STAT6: variants seen among roughly 807,000 people sequenced by gnomAD.
STAT6 encodes signal transducer and activator of transcription 6.
In STAT6, 45 loss-of-function variants were observed where a neutral mutation model predicts 106.3. That is an observed-to-expected ratio of 0.42 (90% CI 0.33 to 0.54). The LOEUF is 0.54. Among genes scored for constraint, STAT6 ranks in the 20% least tolerant of loss-of-function variants. The pLI is 0.06. For missense variants in STAT6, 797 were observed against 1,062.2 expected (o/e 0.75, Z 3.47); for synonymous variants, 413 against 413.6 (o/e 1.00, Z 0.02).
chr12:57,097,046 C>G lies in STAT6; in HGVS notation c.2225+22G>C, dbSNP rs1196556877. ...CCAGGAAAGAAGAGGCACATGGGGT[C>G]AGGAGGGGCTTTGTCACTCACTGGG... is the stretch of plus-strand genomic sequence containing the variant. On this transcript the variant is annotated intron_variant, in intron 20 of 21. Transcript: ENST00000300134. The G allele has an allele frequency of 1.9e-6, 3 of 1,578,210 alleles. No homozygotes were observed. The Admixed American group carries it at 5.4e-5, about 29-fold the overall frequency.
At chr12:57,100,678 A>G (rs1469220522) in intron 13 of STAT6, among the ~76,000 whole-genome samples, 1 of 66,502 alleles carries the variant, frequency 1.5e-5, no homozygotes, top group Admixed American at 1.6e-4. Context: ...GAAAGAAAGA[A>G]AGAAAGAAAG....
intron 7 of STAT6, 58 bp from the exon 8 acceptor site, chr12:57,105,657 AC>A: frequency 6.4e-7 from 1 of 1,574,790 alleles, no homozygotes; most frequent in South Asian, 1.1e-5. Context: ...TCCGGCCCAG[AC>A]CCCCTTCCCC....
At chr12:57,100,275 C>A (rs546605914) in intron 13 of STAT6, among the ~76,000 whole-genome samples, 185 bp from the exon 14 acceptor site, 3 of 152,132 alleles carry the variant, frequency 2.0e-5, no homozygotes, top group Middle Eastern at 3.2e-3. Flanking sequence ...CTATTTCAAG[C>A]CTTTCCATAT....
intron 2 of STAT6, among the ~76,000 whole-genome samples, chr12:57,107,960 C>G (rs779028676): frequency 4.6e-5 from 7 of 152,210 alleles, no homozygotes; most frequent in Non-Finnish European, 1.0e-4. Flanking sequence ...TTCGGCTCAG[C>G]CTCCTAAGAG....
At chr12:57,100,694 A>AAGAGAG (rs1228082144) in intron 13 of STAT6, among the ~76,000 whole-genome samples, 1 of 28,944 alleles carries the variant, frequency 3.5e-5, no homozygotes, top group Non-Finnish European at 7.9e-5. Flanking sequence ...GAAAGAAAGA[A>AAGAGAG]AGAAAGAGAA....
At chr12:57,104,880 TGA>T (rs763019389) in intron 9 of STAT6, 67 bp from the exon 10 acceptor site, 13 of 1,560,322 alleles carry the variant, frequency 8.3e-6, no homozygotes, top group Non-Finnish European at 1.1e-5. Flanking sequence ...AGTGCATGGG[TGA>T]GTGTAGACTA....
In STAT6 at chr12:57,102,181, G is replaced by A. The variant is rs12721587; in HGVS notation, c.1512+109C>T. 1.3e-3 allele frequency: 1,549 copies of A among 1,208,126 alleles called. 16 individuals are homozygous for A. The African/African-American group carries it at 0.021, about 16-fold the overall frequency. 74.8% of individuals were successfully genotyped at this position (1,208,126 alleles called of 1,614,324 possible). A position where few individuals can be genotyped will look rare whatever the true frequency, so the allele number is the denominator to read the frequency against. ...AGGCCTTCCTAAAGGACCTGAGGGG[G>A]CACTGTGGAGAATCCAGTGGAAGGT... On this transcript the variant is annotated intron_variant, in intron 13 of 21. Coordinates refer to ENST00000300134, the MANE Select transcript of STAT6 (RefSeq NM_003153.5).
At chr12:57,098,374 A>T in intron 19 of STAT6, 131 bp downstream of exon 19, 1 of 924,966 alleles carries the variant, frequency 1.1e-6, no homozygotes, top group Non-Finnish European at 1.8e-6. Context: ...CCCCCTCATT[A>T]GAGTGGACAG....
chr12:57,108,046 C>T, intron 2 of STAT6, 117 bp downstream of exon 2: 1 of 724,758 alleles, frequency 1.4e-6, no homozygotes, highest in Non-Finnish European at 2.3e-6. Context: ...TAGGTCACTA[C>T]ACATGGAATA....
At chr12:57,100,690 AAG>A (rs1491065383) in intron 13 of STAT6, among the ~76,000 whole-genome samples, 24 of 42,238 alleles carry the variant, frequency 5.7e-4, no homozygotes, top group African/African-American at 1.6e-3. Context: ...GAAAGAAAGA[AAG>A]AAAGAAAGAG....
chr12:57,101,238 G>A (rs1178987523), intron 13 of STAT6, among the ~76,000 whole-genome samples: 2 of 151,828 alleles, frequency 1.3e-5, no homozygotes, highest in Admixed American at 6.6e-5. Flanking sequence ...ACAGGCATGC[G>A]CCACCATGCC....
Position 57,098,856 on chromosome 12 carries a change from G to T in STAT6, c.2002C>A (p.Pro668Thr). ...TPELQMPTMV[P>T]SYDLGMAPDS... ...GGGGCCATTCCAAGGTCATAAGAAG[G>T]CACCATGGTAGGCATCTGGAGCTCT... The change falls in exon 18 of 22, where the codon CCT becomes ACT. Residue 668 changes from proline to threonine, a missense_variant. Physicochemically the swap from Pro to Thr is conservative, Grantham distance 38. This residue lies in a region of STAT6 where 226 missense variants were observed against 236.7 expected (regional missense o/e 0.95). Coordinates refer to ENST00000300134, the MANE Select transcript of STAT6 (RefSeq NM_003153.5). 2 of 1,613,428 alleles carry T rather than the reference G, an allele frequency of 1.2e-6. No individual in the cohort carries two copies. The highest frequency in any genetic ancestry group is 2.2e-5 in the South Asian group (2 of 91,046).
rs781205330 is a variant in STAT6, at chr12:57,102,824, C to T, written c.1305+5G>A. On this transcript the variant is annotated splice_donor_5th_base_variant and intron_variant, in intron 12 of 21. Transcript: ENST00000300134. ...TGTTCCCTCCAACTCCAGGACTTTCCTCACCATCTCAGAGAAGGCATTGTC... is the reference window on the plus strand; with the variant it reads ...TGTTCCCTCCAACTCCAGGACTTTCTTCACCATCTCAGAGAAGGCATTGTC... 1 of 1,612,794 alleles carries T rather than the reference C, an allele frequency of 6.2e-7. No homozygotes were observed. Among genetic ancestry groups the T allele is most frequent in the South Asian group, 1.1e-5 (1 of 91,014 alleles).
At chr12:57,105,087 C>T in intron 9 of STAT6, 64 bp downstream of exon 9, 1 of 1,536,118 alleles carries the variant, frequency 6.5e-7, no homozygotes, top group Non-Finnish European at 8.8e-7. Flanking sequence ...TCAGTGCCAG[C>T]CCTCCAGGCT....
At chr12:57,107,785 C>G (rs2034368630) in intron 2 of STAT6, 42 bp from the exon 3 acceptor site, 1 of 1,611,060 alleles carries the variant, frequency 6.2e-7, no homozygotes, top group African/African-American at 1.3e-5. Flanking sequence ...GCCAGGGCTT[C>G]CTCAGCTCTC....
At chr12:57,100,624 GAGAGAA>G (rs1555174872) in intron 13 of STAT6, among the ~76,000 whole-genome samples, 5 of 135,734 alleles carry the variant, frequency 3.7e-5, no homozygotes, top group Admixed American at 1.5e-4. Context: ...GAAAGAAAAA[GAGAGAA>G]AGAGAAAGAG....
intron 1 of STAT6, among the ~76,000 whole-genome samples, chr12:57,109,510 C>A (rs2034468222): frequency 6.6e-6 from 1 of 152,208 alleles, no homozygotes; most frequent in Admixed American, 6.5e-5. Context: ...TTGTTAGGAT[C>A]CCTTCCAGGG....
At chr12:57,098,985 C>T (rs2033642763) in intron 17 of STAT6, 30 bp downstream of exon 17, 2 of 1,613,992 alleles carry the variant, frequency 1.2e-6, no homozygotes, top group South Asian at 2.2e-5. Flanking sequence ...AAGCCCCTGA[C>T]CTACCCACTG....
At chr12:57,098,053 T>G (rs547495506) in intron 19 of STAT6, among the ~76,000 whole-genome samples, 4 of 152,312 alleles carry the variant, frequency 2.6e-5, no homozygotes, top group African/African-American at 9.6e-5. Context: ...GTCTATACCA[T>G]CTAGGTTTGT....
Sources: gnomAD v4.1 joint callset for allele counts (sites outside exome capture counted in the v4.1 genomes callset) on GRCh38, gnomAD v4.1.1 for gene constraint, gnomAD v4.1.1 regional missense constraint, MANE v1.5 for transcripts, NCBI Gene and HGNC (gene_info 2026-07-23, HGNC 2026-07-21) for gene names.